Variants in SLC30A8 observed in about 807,000 individuals in gnomAD.
SLC30A8 encodes the protein proton-coupled zinc antiporter SLC30A8.
In SLC30A8, 27 loss-of-function variants were observed where a neutral mutation model predicts 36.9. The ratio of observed to expected loss-of-function variants is 0.73; its 90% CI spans 0.54 to 1.01. The LOEUF (loss-of-function observed/expected upper bound fraction) is 1.01, where lower values mean the gene tolerates loss of function less well. Among genes scored for constraint, SLC30A8 ranks in the 50% least tolerant of loss-of-function variants. The pLI is 0.00. For missense variants in SLC30A8, 439 were observed against 452.0 expected, an observed-to-expected ratio of 0.97 and a Z score of 0.26; for synonymous variants, 164 against 172.4, an observed-to-expected ratio of 0.95 and a Z score of 0.38.
chr8:116,952,317 A>T (rs925486473), intron 1 of SLC30A8, among the ~76,000 whole-genome samples: 2 of 152,218 alleles, frequency 1.3e-5, no homozygotes, highest in African/African-American at 4.8e-5. Context: ...AAAATATTTT[A>T]AAATTTAACT....
At chr8:117,098,182 CAAGACCTCCCTGAGA>C (rs1563595317) in intron 2 of SLC30A8, among the ~76,000 whole-genome samples, 1 of 149,952 alleles carries the variant, frequency 6.7e-6, no homozygotes, top group African/African-American at 2.5e-5. Flanking sequence ...TTTAGTCAAT[CAAGACCTCCCTGAGA>C]AAGCAGAATT....
At position 116,974,623 on chromosome 8, in the gene SLC30A8, G is replaced by C. The variant is rs572303266; in HGVS notation, c.-266+23504G>C. On this transcript the variant is annotated intron_variant, in intron 1 of 10. Coordinates refer to the SLC30A8 transcript ENST00000427715. The stretch of plus-strand genomic sequence containing the variant: ...ACTAGTTCAACCATTGTGGAAGACA[G>C]TGTGGTGATTCCTCAAGGATCTAGA... Among the ~76,000 whole-genome samples the C allele has an allele frequency of 4.6e-5, 7 of 152,332 alleles. No homozygotes were observed. In the East Asian group the frequency reaches 1.4e-3, roughly 29 times the overall value.
intron 2 of SLC30A8, among the ~76,000 whole-genome samples, chr8:117,076,761 CAAAT>C (rs2130806146): frequency 1.3e-5 from 2 of 148,800 alleles, no homozygotes; most frequent in South Asian, 4.3e-4. Flanking sequence ...GGAGAGGGGT[CAAAT>C]AGTCATTTTT....
Position 117,172,705 on chromosome 8 carries a change from A to G in SLC30A8, c.*24A>G, listed in dbSNP as rs756399624. ...AGCTCAGTCACACCGTCAGTTTCCC[A>G]AATTTGACAGGCCACCTTCAAACAT... On this transcript the variant is annotated 3_prime_UTR_variant, in exon 8 of 8. Transcript: ENST00000456015. 1 of 1,612,440 alleles carries G rather than the reference A, an allele frequency of 6.2e-7. No individual in the cohort carries two copies. The highest frequency in any genetic ancestry group is 8.5e-7 in the Non-Finnish European group (1 of 1,178,768).
intron 1 of SLC30A8, among the ~76,000 whole-genome samples, chr8:116,956,458 G>A (rs1814206353): frequency 6.6e-6 from 1 of 152,192 alleles, no homozygotes; most frequent in African/African-American, 2.4e-5. Context: ...TTCAGGGCCA[G>A]AAATTTAGAT....
intron 1 of SLC30A8, among the ~76,000 whole-genome samples, chr8:117,032,701 C>T (rs1817092168): frequency 6.6e-6 from 1 of 152,066 alleles, no homozygotes; most frequent in South Asian, 2.1e-4. Context: ...ACCAGCCTGG[C>T]CAACATGGCT....
chr8:117,081,516 A>G (rs1187889171), intron 2 of SLC30A8, among the ~76,000 whole-genome samples: 1 of 152,082 alleles, frequency 6.6e-6, no homozygotes, highest in African/African-American at 2.4e-5. Context: ...CCTCTTTAAA[A>G]TCTCTATTTC....
chr8:117,036,757 G>A (rs1273086433), intron 1 of SLC30A8, among the ~76,000 whole-genome samples: 1 of 152,182 alleles, frequency 6.6e-6, no homozygotes, highest in Admixed American at 6.5e-5. Flanking sequence ...CTCTTGACAT[G>A]TGGGTATTAC....
At chr8:117,059,108 C>CT in intron 2 of SLC30A8, among the ~76,000 whole-genome samples, 1 of 152,280 alleles carries the variant, frequency 6.6e-6, no homozygotes, top group Admixed American at 6.5e-5. Context: ...TTATGGGAGC[C>CT]TTAATATCCA....
chr8:117,067,682 G>A (rs548469364), intron 2 of SLC30A8, among the ~76,000 whole-genome samples: 2 of 152,198 alleles, frequency 1.3e-5, no homozygotes, highest in East Asian at 3.9e-4. Flanking sequence ...TCAGTTTTTT[G>A]TTGATACTTA....
intron 1 of SLC30A8, among the ~76,000 whole-genome samples, chr8:116,975,395 A>G (rs1814958639): frequency 1.3e-5 from 2 of 152,226 alleles, no homozygotes; most frequent in Non-Finnish European, 1.5e-5. Flanking sequence ...TAGTTAATAT[A>G]GAAATTAGTG....
At chr8:117,122,178 A>G (rs1264787697) in intron 2 of SLC30A8, among the ~76,000 whole-genome samples, 1 of 151,952 alleles carries the variant, frequency 6.6e-6, no homozygotes, top group Non-Finnish European at 1.5e-5. Flanking sequence ...TGTAAGGCCT[A>G]TAGACTTATT....
At chr8:117,009,233 A>G (rs2938861) in intron 1 of SLC30A8, among the ~76,000 whole-genome samples, 54,655 of 152,054 alleles carry the variant, frequency 0.36, 11,130 homozygotes, top group South Asian at 0.49. Flanking sequence ...AGAATCTCTA[A>G]TGGTGGAATT....
chr8:116,964,695 G>A (rs1814541337), intron 1 of SLC30A8, among the ~76,000 whole-genome samples: 1 of 152,148 alleles, frequency 6.6e-6, no homozygotes, highest in African/African-American at 2.4e-5. Context: ...AAGATACCCA[G>A]AGCTCTGTTT....
At chr8:117,051,157 A>G (rs1010879420) in intron 2 of SLC30A8, among the ~76,000 whole-genome samples, 2 of 152,208 alleles carry the variant, frequency 1.3e-5, no homozygotes, top group Non-Finnish European at 2.9e-5. Context: ...AGCCAAGAGA[A>G]AGGAACAGAT....
intron 6 of SLC30A8, among the ~76,000 whole-genome samples, chr8:117,168,866 T>C (rs1563641090): frequency 6.6e-6 from 1 of 152,178 alleles, no homozygotes; most frequent in South Asian, 2.1e-4. Flanking sequence ...GCCACTTCTC[T>C]GTGTGGCCTT....
chr8:117,152,642 C>T (rs965768268), intron 2 of SLC30A8, among the ~76,000 whole-genome samples: 4 of 152,268 alleles, frequency 2.6e-5, no homozygotes, highest in Admixed American at 2.6e-4. Context: ...CTTGTATTCT[C>T]CTCTTTTGAA....
chr8:117,121,601 G>A (rs1431820229), intron 2 of SLC30A8, among the ~76,000 whole-genome samples: 2 of 151,890 alleles, frequency 1.3e-5, no homozygotes, highest in Non-Finnish European at 2.9e-5. Context: ...TCCCAAAGAT[G>A]CCACCTCCTA....
At chr8:116,954,774 A>AT (rs1325502297) in intron 1 of SLC30A8, among the ~76,000 whole-genome samples, 12 of 152,126 alleles carry the variant, frequency 7.9e-5, no homozygotes, top group Admixed American at 3.3e-4. Flanking sequence ...CTTTTTAGTT[A>AT]TTTTTTCTAA....
Sources: allele counts gnomAD v4.1 joint callset (sites outside exome capture counted in the v4.1 genomes callset), GRCh38; gene constraint gnomAD v4.1.1; transcripts MANE v1.5; gene names NCBI Gene and HGNC (gene_info 2026-07-23, HGNC 2026-07-21).